The following MSRA variants were observed in gnomAD, a reference collection of about 807,000 sequenced individuals.
MSRA encodes mitochondrial peptide methionine sulfoxide reductase.
A neutral mutation model predicts 31.3 loss-of-function variants in MSRA; 54 were observed. That is an observed-to-expected ratio of 1.73 (90% CI 1.39 to 2.17). The LOEUF is 2.17. Among genes scored for constraint, MSRA ranks in the 30% most tolerant of loss-of-function variants. The pLI, the probability that MSRA is intolerant of heterozygous loss-of-function variation, is 0.00. For missense variants in MSRA, 507 were observed against 300.9 expected (o/e 1.69, Z -5.07); for synonymous variants, 169 against 116.5 (o/e 1.45, Z -2.90).
chr8:10,177,987 C>T (rs1259478309), intron 1 of MSRA, among the ~76,000 whole-genome samples: 1 of 152,216 alleles, frequency 6.6e-6, no homozygotes, highest in African/African-American at 2.4e-5. Flanking sequence ...CTGTTCATCT[C>T]ACTGTGGGGT....
intron 1 of MSRA, among the ~76,000 whole-genome samples, chr8:10,099,702 G>A (rs1339126003): frequency 6.6e-6 from 1 of 152,194 alleles, no homozygotes; most frequent in South Asian, 2.1e-4. Flanking sequence ...CTGGCTATGG[G>A]TTTAGAGGGG....
intron 3 of MSRA, among the ~76,000 whole-genome samples, chr8:10,272,923 A>G (rs1799123921): frequency 6.6e-6 from 1 of 152,186 alleles, no homozygotes; most frequent in African/African-American, 2.4e-5. Flanking sequence ...GAGAAACTGC[A>G]CAAGTTAGAA....
intron 2 of MSRA, among the ~76,000 whole-genome samples, chr8:10,220,287 C>G (rs1258736734): frequency 2.6e-5 from 4 of 152,160 alleles, no homozygotes; most frequent in African/African-American, 9.7e-5. Flanking sequence ...AACAGTGGTG[C>G]CTGCAGATGG....
chr8:10,283,824 TATATATATATATACAC>T (rs1322551443), intron 3 of MSRA, among the ~76,000 whole-genome samples: 7 of 69,006 alleles, frequency 1.0e-4, no homozygotes, highest in African/African-American at 3.1e-4. Context: ...TATATATATA[TATATATATATATACAC>T]ACACACACAC....
In MSRA at chr8:10,155,002, T is replaced by TTATATATATATATATA. The variant is rs528753270; in HGVS notation, c.143-52819_143-52818insTATATATATATATATA. On this transcript the variant is annotated intron_variant, in intron 1 of 5. Transcript: ENST00000317173. ...AATAGTTTGATAATGTGTATATATT[T>TTATATATATATATATA]TATATATATATAGGTTTTACCTTGC... Among the ~76,000 whole-genome samples the TTATATATATATATATA allele has an allele frequency of 6.4e-4, 79 of 123,890 alleles. 11 individuals carry two copies. Among genetic ancestry groups the TTATATATATATATATA allele is most frequent in the African/African-American group, 1.8e-3 (57 of 30,846 alleles). The allele number at this position is 123,890 out of a possible 152,430, so 81.3% of individuals were successfully genotyped here. A position where few individuals can be genotyped will look rare whatever the true frequency, so the allele number is the denominator to read the frequency against.
intron 1 of MSRA, among the ~76,000 whole-genome samples, chr8:10,064,832 C>G (rs573161616): frequency 6.6e-5 from 10 of 152,076 alleles, no homozygotes; most frequent in Admixed American, 3.9e-4. Flanking sequence ...CTGAAAAGAT[C>G]TGATATTTTA....
At chr8:10,425,912 C>G (rs1330250476) in intron 5 of MSRA, among the ~76,000 whole-genome samples, 1 of 152,212 alleles carries the variant, frequency 6.6e-6, no homozygotes, top group Non-Finnish European at 1.5e-5. Flanking sequence ...TTGCCTTGGA[C>G]CAGGAATGTC....
At chr8:10,264,078 A>G (rs56064712) in intron 3 of MSRA, among the ~76,000 whole-genome samples, 28,515 of 152,134 alleles carry the variant, frequency 0.19, 3,568 homozygotes, top group Non-Finnish European at 0.28. Context: ...ATTTATTTCA[A>G]CAGAGGAAGC....
intron 3 of MSRA, among the ~76,000 whole-genome samples, chr8:10,274,987 T>A (rs1182530862): frequency 6.6e-6 from 1 of 152,230 alleles, no homozygotes; most frequent in African/African-American, 2.4e-5. Flanking sequence ...GGAACAGTGT[T>A]TATTGGTTGG....
chr8:10,283,753 TG>T (rs1451139724), intron 3 of MSRA, among the ~76,000 whole-genome samples: 1 of 146,162 alleles, frequency 6.8e-6, no homozygotes, highest in African/African-American at 2.5e-5. Flanking sequence ...TCCAGGTTGC[TG>T]TGAATGCCAT....
chr8:10,128,758 T>C (rs752205655), intron 1 of MSRA, among the ~76,000 whole-genome samples: 19 of 152,318 alleles, frequency 1.2e-4, no homozygotes, highest in Admixed American at 4.6e-4. Flanking sequence ...TTCTTTTCTA[T>C]TCAACTCTTC....
chr8:10,255,918 T>TG (rs1798152241), intron 3 of MSRA, among the ~76,000 whole-genome samples: 2 of 152,000 alleles, frequency 1.3e-5, no homozygotes, highest in Middle Eastern at 3.4e-3. Flanking sequence ...ATCTATCCCA[T>TG]CCCCCCACCA....
intron 1 of MSRA, among the ~76,000 whole-genome samples, chr8:10,204,139 T>C (rs760597879): frequency 5.3e-5 from 8 of 151,834 alleles, no homozygotes; most frequent in Non-Finnish European, 8.8e-5. Flanking sequence ...AATTGTACAA[T>C]GTGCTTGTGT....
intron 1 of MSRA, among the ~76,000 whole-genome samples, chr8:10,096,759 A>T (rs894174966): frequency 6.6e-6 from 1 of 152,144 alleles, no homozygotes; most frequent in Non-Finnish European, 1.5e-5. Flanking sequence ...TTGGATTGTG[A>T]TAGTTCTGTT....
At chr8:10,280,290 A>G (rs1243883347) in intron 3 of MSRA, among the ~76,000 whole-genome samples, 1 of 151,884 alleles carries the variant, frequency 6.6e-6, no homozygotes, top group Non-Finnish European at 1.5e-5. Flanking sequence ...CCATCCTTCA[A>G]ATACCTTCGT....
chr8:10,284,080 GT>G (rs1449293278), intron 3 of MSRA, among the ~76,000 whole-genome samples: 1 of 151,852 alleles, frequency 6.6e-6, no homozygotes, highest in African/African-American at 2.4e-5. Context: ...TCTCCACACT[GT>G]TTTCCATAGT....
chr8:10,255,946 C>T (rs1216113534), intron 3 of MSRA, among the ~76,000 whole-genome samples: 1 of 152,092 alleles, frequency 6.6e-6, no homozygotes, highest in Non-Finnish European at 1.5e-5. Flanking sequence ...TATCAACATC[C>T]CCACCTGAGT....
intron 3 of MSRA, among the ~76,000 whole-genome samples, chr8:10,253,915 A>G (rs907082297): frequency 1.5e-4 from 23 of 152,096 alleles, no homozygotes; most frequent in Non-Finnish European, 4.4e-5. Context: ...CCATCTGCCA[A>G]GTGAAAATTG....
intron 1 of MSRA, among the ~76,000 whole-genome samples, chr8:10,146,343 AAAAG>A (rs1197723534): frequency 1.3e-5 from 2 of 152,200 alleles, no homozygotes; most frequent in African/African-American, 4.8e-5. Context: ...ACACAGAAAT[AAAAG>A]AAAGACATCC....
Sources: allele counts gnomAD v4.1 joint callset (sites outside exome capture counted in the v4.1 genomes callset), GRCh38; gene constraint gnomAD v4.1.1; transcripts MANE v1.5; gene names NCBI Gene and HGNC (gene_info 2026-07-23, HGNC 2026-07-21).